The following ROBO1 variants were observed in gnomAD, a reference collection of about 807,000 sequenced individuals.
ROBO1 encodes the protein roundabout homolog 1.
A neutral mutation model predicts 195.9 loss-of-function variants in ROBO1; 149 were observed. The ratio of observed to expected loss-of-function variants is 0.76; its 90% CI spans 0.67 to 0.87. The LOEUF is 0.87. Ranked by LOEUF, ROBO1 falls within the 40% of genes least tolerant of loss-of-function variation. The pLI is 0.00. For missense variants in ROBO1, 1,933 were observed against 2,068.3 expected, an observed-to-expected ratio of 0.93 and a Z score of 1.27; for synonymous variants, 816 against 733.2, an observed-to-expected ratio of 1.11 and a Z score of -1.82.
intron 3 of ROBO1, among the ~76,000 whole-genome samples, chr3:79,045,374 T>G (rs1230481916): frequency 6.6e-6 from 1 of 152,068 alleles, no homozygotes; most frequent in Non-Finnish European, 1.5e-5. Context: ...GCTTAATGAT[T>G]TGTTGTGTTA....
At chr3:78,629,482 A>G (rs559385893) in intron 25 of ROBO1, among the ~76,000 whole-genome samples, 93 of 152,088 alleles carry the variant, frequency 6.1e-4, no homozygotes, top group Non-Finnish European at 1.1e-3. Flanking sequence ...GCTTGAGATC[A>G]GGAGTTCGAG....
chr3:78,662,978 T>C (rs1367767819), intron 14 of ROBO1, among the ~76,000 whole-genome samples: 2 of 152,128 alleles, frequency 1.3e-5, no homozygotes, highest in Non-Finnish European at 2.9e-5. Context: ...TTGTTTATAA[T>C]AGTAACAGGG....
At chr3:79,191,182 G>GA in intron 2 of ROBO1, among the ~76,000 whole-genome samples, 1 of 151,514 alleles carries the variant, frequency 6.6e-6, no homozygotes, top group East Asian at 1.9e-4. Context: ...CTCTTTTCCT[G>GA]AAAAATTGTT....
At chr3:79,537,105 CTTTT>C (rs1250507499) in intron 2 of ROBO1, among the ~76,000 whole-genome samples, 2 of 136,420 alleles carry the variant, frequency 1.5e-5, no homozygotes, top group Admixed American at 1.4e-4. Flanking sequence ...TTCTTTTTTC[CTTTT>C]TTTATTTTTT....
At chr3:78,963,541 C>T (rs1457423973) in intron 3 of ROBO1, among the ~76,000 whole-genome samples, 5 of 83,916 alleles carry the variant, frequency 6.0e-5, no homozygotes, top group African/African-American at 9.1e-5. Context: ...TTTTTTGAGA[C>T]GGAGTCTCGC....
Position 78,661,029 on chromosome 3 carries a change from C to T in ROBO1, c.2320+1G>A. 1 of 1,605,810 alleles carries T rather than the reference C, an allele frequency of 6.2e-7. No homozygotes were observed. Among genetic ancestry groups the T allele is most frequent in the African/African-American group, 1.3e-5 (1 of 74,812 alleles). The stretch of plus-strand genomic sequence containing the variant: ...GAAATCAAACGCTTCATCATACTTG[C>T]CTTCTTCCAGGGTTTTGGCAAACTT... On this transcript the variant is annotated splice_donor_variant, in intron 16 of 30. Transcript: ENST00000464233. LOFTEE classifies it high-confidence loss of function.
At chr3:79,242,509 C>T (rs993844588) in intron 2 of ROBO1, among the ~76,000 whole-genome samples, 15 of 152,192 alleles carry the variant, frequency 9.9e-5, no homozygotes, top group Admixed American at 2.6e-4. Flanking sequence ...AAAGTTACCA[C>T]TATATGTTGA....
chr3:79,357,068 T>C (rs957824649), intron 2 of ROBO1, among the ~76,000 whole-genome samples: 1 of 152,188 alleles, frequency 6.6e-6, no homozygotes, highest in Non-Finnish European at 1.5e-5. Flanking sequence ...CATTTATCTT[T>C]ATTTCTGCTT....
intron 2 of ROBO1, among the ~76,000 whole-genome samples, chr3:79,257,660 A>G (rs1331882129): frequency 6.6e-6 from 1 of 152,110 alleles, no homozygotes; most frequent in Non-Finnish European, 1.5e-5. Flanking sequence ...AAGGGGGAAC[A>G]TTACTTTCAT....
chr3:78,927,692 T>A (rs1336717821), intron 4 of ROBO1, among the ~76,000 whole-genome samples: 1 of 152,194 alleles, frequency 6.6e-6, no homozygotes, highest in Non-Finnish European at 1.5e-5. Flanking sequence ...TAACAGCAGC[T>A]TTATAAACCT....
chr3:78,724,633 A>C (rs1318470852), intron 5 of ROBO1, among the ~76,000 whole-genome samples: 1 of 151,882 alleles, frequency 6.6e-6, no homozygotes, highest in Non-Finnish European at 1.5e-5. Flanking sequence ...AGTGAGCCGA[A>C]ATCATGCTAC....
At chr3:79,077,156 G>A (rs1045736154) in intron 3 of ROBO1, among the ~76,000 whole-genome samples, 4 of 151,738 alleles carry the variant, frequency 2.6e-5, no homozygotes, top group East Asian at 3.9e-4. Flanking sequence ...ATCTTATAAC[G>A]GAACGTTTTT....
chr3:79,041,292 T>G (rs999755956), intron 3 of ROBO1, among the ~76,000 whole-genome samples: 1 of 152,226 alleles, frequency 6.6e-6, no homozygotes, highest in African/African-American at 2.4e-5. Flanking sequence ...CTTTCATTTG[T>G]AAAGTGAAAT....
At chr3:78,686,381 C>G (rs2081052441) in intron 9 of ROBO1, among the ~76,000 whole-genome samples, 1 of 151,648 alleles carries the variant, frequency 6.6e-6, no homozygotes, top group Non-Finnish European at 1.5e-5. Context: ...ACGGTGAAAC[C>G]CTGTCTCTAC....
At chr3:79,638,402 A>G (rs760418348) in intron 1 of ROBO1, among the ~76,000 whole-genome samples, 165 of 151,908 alleles carry the variant, frequency 1.1e-3, no homozygotes, top group Non-Finnish European at 1.5e-3. Context: ...TTTATTTTTT[A>G]TTTTTTGAGA....
rs1288169021 is a variant in ROBO1 at position 79,366,616 on chromosome 3, T to C, written c.88+223208A>G. On this transcript the variant is annotated intron_variant, in intron 2 of 30. Coordinates refer to ENST00000464233, the MANE Select transcript of ROBO1 (RefSeq NM_002941.4). The stretch of plus-strand genomic sequence containing the variant: ...TGGCTCTCTTGGACGCAACTCCAAA[T>C]AGAATGCCCAGCACTTGGCCGGCAC... 2.0e-5 allele frequency among the ~76,000 whole-genome samples: 3 copies of C among 152,112 alleles called. No individual in the cohort carries two copies. In the East Asian group the frequency reaches 5.8e-4, roughly 29 times the overall value.
chr3:79,667,362 G>C (rs1946504575), intron 1 of ROBO1, among the ~76,000 whole-genome samples: 1 of 151,710 alleles, frequency 6.6e-6, no homozygotes. Flanking sequence ...TTCTAATCCA[G>C]TCTGTTGGTA....
chr3:79,480,276 T>A (rs545372080), intron 2 of ROBO1, among the ~76,000 whole-genome samples: 1 of 152,316 alleles, frequency 6.6e-6, no homozygotes, highest in African/African-American at 2.4e-5. Context: ...ATACACATTT[T>A]GATTCTTTGA....
chr3:79,336,799 A>G (rs1384015335), intron 2 of ROBO1, among the ~76,000 whole-genome samples: 1 of 152,192 alleles, frequency 6.6e-6, no homozygotes, highest in Non-Finnish European at 1.5e-5. Flanking sequence ...CAGCCTGTGA[A>G]AGCAGCTGGA....
Sources: allele counts gnomAD v4.1 joint callset (sites outside exome capture counted in the v4.1 genomes callset), GRCh38; gene constraint gnomAD v4.1.1; transcripts MANE v1.5; gene names NCBI Gene and HGNC (gene_info 2026-07-23, HGNC 2026-07-21).